Variants in STAB1 observed in about 807,000 individuals in gnomAD.
STAB1 encodes stabilin-1.
Under a neutral mutation model 332.4 loss-of-function variants are expected in STAB1, and 250 were observed. That is an observed-to-expected ratio of 0.75 (90% CI 0.68 to 0.84). The LOEUF is 0.84. STAB1 is among the 40% of genes least tolerant of loss of function. The probability of loss-of-function intolerance (pLI) is 0.00; values close to 1 mark genes in which losing one functional copy is unlikely to be tolerated. For synonymous variants in STAB1, 1,475 were observed against 1,390.4 expected (o/e 1.06, Z -1.35); for missense variants, 3,249 against 3,489.7 (o/e 0.93, Z 1.74).
chr3:52,510,931 T>G (rs1211160172), intron 25 of STAB1, among the ~76,000 whole-genome samples: 5 of 152,214 alleles, frequency 3.3e-5, no homozygotes, highest in African/African-American at 4.8e-5. Flanking sequence ...GGACAGGCAT[T>G]GAAGACTGTC....
intron 10 of STAB1, 125 bp downstream of exon 10, chr3:52,504,280 T>C: frequency 6.8e-7 from 1 of 1,472,558 alleles, no homozygotes; most frequent in South Asian, 1.3e-5. Context: ...AACAGGTGGC[T>C]GTGGGGGGTG....
chr3:52,497,401 C>T (rs1012443688), intron 1 of STAB1, among the ~76,000 whole-genome samples: 5 of 142,674 alleles, frequency 3.5e-5, no homozygotes, highest in African/African-American at 2.6e-5. Context: ...TATGTGAATT[C>T]GATGCCTTTT....
rs765023990 is a variant in STAB1 at position 52,520,319 on chromosome 3, G to T, written c.5499+29G>T. 1.6e-5 allele frequency: 26 copies of T among 1,612,866 alleles called. No homozygotes were observed. The Admixed American group carries it at 4.3e-4, about 27-fold the overall frequency. ...AGTCTGGGGAGAGGGCTTGGATGAA[G>T]GGAGTAGGAGGCAGGGGCCCTGGCA... On this transcript the variant is annotated intron_variant, in intron 52 of 68. Coordinates refer to ENST00000321725, the MANE Select transcript of STAB1 (RefSeq NM_015136.3).
Position 52,517,904 on chromosome 3 carries a change from T to C in STAB1, c.4662T>C (p.Tyr1554=). The C allele has an allele frequency of 6.2e-7, 1 of 1,611,884 alleles. No homozygotes were observed. Among genetic ancestry groups the C allele is most frequent in the African/African-American group, 1.3e-5 (1 of 74,986 alleles). The change falls in exon 45 of 69, where the codon TAT becomes TAC. Residue 1554 remains tyrosine (Y), a synonymous_variant. Coordinates refer to ENST00000321725, the MANE Select transcript of STAB1 (RefSeq NM_015136.3). The part of the protein sequence containing the change: ...CSKNNGGCSP[Y]ATCKSTGDGQ... Reference sequence around the variant, plus strand: ...AGAACAATGGAGGATGCAGCCCATATGCCACCTGCAAAAGCACAGGGGATG... The same window carrying C: ...AGAACAATGGAGGATGCAGCCCATACGCCACCTGCAAAAGCACAGGGGATG...
At position 52,509,875 on chromosome 3, in the gene STAB1, G is replaced by T; in HGVS notation, c.2353G>T (p.Gly785Cys). 6.2e-7 allele frequency: 1 copy of T among 1,613,010 alleles called. No homozygotes were observed. The highest frequency in any genetic ancestry group is 1.6e-4 in the Middle Eastern group (1 of 6,062). The change falls in exon 23 of 69, where the codon GGC becomes TGC. Residue 785 changes from glycine (G) to cysteine (C), a missense_variant. Transcript: ENST00000321725. ...CTCCCATCTACTCCATACAGACTGC[G>T]GCTGTGTCCATGGTCTCTGCGACAA... The part of the protein sequence containing the change: ...KHGEQCQEDC[G>C]CVHGLCDNRP...
chr3:52,504,299 G>T, intron 10 of STAB1, 144 bp downstream of exon 10: 1 of 1,433,798 alleles, frequency 7.0e-7, no homozygotes, highest in Non-Finnish European at 9.4e-7. Flanking sequence ...TGCATGCAGG[G>T]GGTGGGAGCT....
intron 6 of STAB1, 74 bp downstream of exon 6, chr3:52,502,801 G>A (rs1708550812): frequency 6.7e-7 from 1 of 1,497,184 alleles, no homozygotes; most frequent in Non-Finnish European, 9.1e-7. Flanking sequence ...ACTGGGTGAG[G>A]ATGGGGCCTG....
rs1559679120 is a variant in STAB1, at chr3:52,505,003, A to T, written c.1378A>T (p.Lys460Ter). 7.4e-6 allele frequency: 12 copies of T among 1,613,592 alleles called. No individual in the cohort carries two copies. The highest frequency in any genetic ancestry group is 1.0e-5 in the Non-Finnish European group (12 of 1,179,974). Reference sequence around the variant, plus strand: ...GGCCAGACCTCTTGTGTCTCACCAGAAATACTCCTACAAGTACAAAGACCA... The same window carrying T: ...GGCCAGACCTCTTGTGTCTCACCAGTAATACTCCTACAAGTACAAAGACCA... ...EITVTFNQFT[K>*]YSYKYKDQPQ... The change falls in exon 13 of 69, where the codon AAA becomes TAA. Residue 460 changes from lysine to a stop codon, truncating the protein, a stop_gained and splice_region_variant. Coordinates refer to ENST00000321725, the MANE Select transcript of STAB1 (RefSeq NM_015136.3). LOFTEE classifies it high-confidence loss of function.
intron 1 of STAB1, among the ~76,000 whole-genome samples, chr3:52,498,445 C>A (rs919388345): frequency 6.6e-5 from 10 of 152,176 alleles, no homozygotes; most frequent in African/African-American, 1.9e-4. Flanking sequence ...GAGGCAGGGC[C>A]CCTCGGCTGT....
chr3:52,512,276 G>T, intron 26 of STAB1, 65 bp from the exon 27 acceptor site: 2 of 1,485,624 alleles, frequency 1.3e-6, no homozygotes, highest in Admixed American at 3.4e-5. Context: ...GCAGAAAGAT[G>T]GGGGAGGGAG....
At chr3:52,522,730 CCTTGACTGGGT>C in intron 61 of STAB1, 34 bp from the exon 62 acceptor site, 1 of 1,612,774 alleles carries the variant, frequency 6.2e-7, no homozygotes, top group Non-Finnish European at 8.5e-7. Flanking sequence ...TTGGGGGAGG[CCTTGACTGGGT>C]CTTGGGTCTT....
rs776441426 is a variant in STAB1, at chr3:52,504,557, C to G, written c.1239+8C>G. The G allele has an allele frequency of 1.7e-5, 27 of 1,613,932 alleles. No individual in the cohort carries two copies. Among genetic ancestry groups the G allele is most frequent in the Non-Finnish European group, 2.3e-5 (27 of 1,179,970 alleles). On this transcript the variant is annotated splice_region_variant and intron_variant, in intron 11 of 68. Transcript: ENST00000321725. Reference sequence around the variant, plus strand: ...TCCTCCAGGACCATGAATGTAAGCCCCTCCCCATGGTGGAGCTGGCCACTG... The same window carrying G: ...TCCTCCAGGACCATGAATGTAAGCCGCTCCCCATGGTGGAGCTGGCCACTG...
intron 29 of STAB1, 23 bp from the exon 30 acceptor site, chr3:52,513,107 C>T: frequency 6.4e-7 from 1 of 1,555,508 alleles, no homozygotes; most frequent in Non-Finnish European, 8.7e-7. Context: ...ATTCCATGAC[C>T]CCCCTAAACT....
At chr3:52,499,504 C>T (rs1428758252) in intron 1 of STAB1, among the ~76,000 whole-genome samples, 2 of 152,252 alleles carry the variant, frequency 1.3e-5, no homozygotes, top group African/African-American at 4.8e-5. Flanking sequence ...TTCCACTGTC[C>T]CTGCCTTGGC....
At chr3:52,514,910 GCGCATGGT>G (rs2078806423) in intron 35 of STAB1, 71 bp from the exon 36 acceptor site, 14 of 1,612,414 alleles carry the variant, frequency 8.7e-6, no homozygotes, top group Non-Finnish European at 1.2e-5. Context: ...GTGGGGAGGG[GCGCATGGT>G]CAGTCTGTCC....
chr3:52,520,713 G>A lies in STAB1; in HGVS notation c.5706+15G>A. Reference sequence around the variant, plus strand: ...CACAGGAGCAGGTACAGGGCTAGGGGCTGAGTGGGGGTGGTGGGGTGGGGG... The same window carrying A: ...CACAGGAGCAGGTACAGGGCTAGGGACTGAGTGGGGGTGGTGGGGTGGGGG... On this transcript the variant is annotated intron_variant, in intron 54 of 68. Coordinates refer to ENST00000321725, the MANE Select transcript of STAB1 (RefSeq NM_015136.3). 1 of 1,611,366 alleles carries A rather than the reference G, an allele frequency of 6.2e-7. No individual in the cohort carries two copies. The highest frequency in any genetic ancestry group is 1.3e-5 in the African/African-American group (1 of 74,544).
intron 22 of STAB1, among the ~76,000 whole-genome samples, 159 bp from the exon 23 acceptor site, chr3:52,509,711 C>T (rs949371306): frequency 7.2e-5 from 11 of 152,214 alleles, no homozygotes; most frequent in Admixed American, 5.2e-4. Flanking sequence ...CACATTTCAT[C>T]TGCCTGCCCA....
Position 52,522,094 on chromosome 3 carries a change from A to G in STAB1, c.6329A>G (p.Gln2110Arg). ...GGCSEHANCS[Q>R]VGTMVTCTCL... The stretch of plus-strand genomic sequence containing the variant: ...TGCAGTGAGCACGCCAACTGTAGCC[A>G]GGTAGGAACAATGGTCACTTGTACC... Residue 2110 changes from glutamine (Q) to arginine (R), a missense_variant, in exon 59 of 69, where the codon CAG (glutamine) becomes CGG (arginine). Gln to Arg is a conservative substitution (Grantham distance 43, BLOSUM62 1). Transcript: ENST00000321725. 6.2e-7 allele frequency: 1 copy of G among 1,613,122 alleles called. No homozygotes were observed.
intron 10 of STAB1, 58 bp from the exon 11 acceptor site, chr3:52,504,403 C>G (rs1399877127): frequency 6.3e-6 from 10 of 1,584,494 alleles, no homozygotes; most frequent in Non-Finnish European, 7.8e-6. Flanking sequence ...CGAACATCTT[C>G]TGAGATCCCC....
Sources: gnomAD v4.1 joint callset for allele counts (sites outside exome capture counted in the v4.1 genomes callset) on GRCh38, gnomAD v4.1.1 for gene constraint, MANE v1.5 for transcripts, NCBI Gene and HGNC (gene_info 2026-07-23, HGNC 2026-07-21) for gene names.